The following ZFHX3 variants were observed in gnomAD, a reference collection of about 807,000 sequenced individuals.
ZFHX3 encodes zinc finger homeobox 3, also known as zinc finger homeobox protein 3.
Under a neutral mutation model 279.1 loss-of-function variants are expected in ZFHX3, and 42 were observed. The ratio of observed to expected loss-of-function variants is 0.15; its 90% CI spans 0.12 to 0.19. The LOEUF is 0.19. Among genes scored for constraint, ZFHX3 ranks in the 10% least tolerant of loss-of-function variants. The pLI is 1.00. For missense variants in ZFHX3, 4,981 were observed against 4,754.0 expected, an observed-to-expected ratio of 1.05 and a Z score of -1.40; for synonymous variants, 2,293 against 1,957.8, an observed-to-expected ratio of 1.17 and a Z score of -4.52.
intron 5 of ZFHX3, among the ~76,000 whole-genome samples, chr16:73,183,200 G>A (rs1290857042): frequency 3.9e-5 from 6 of 152,064 alleles, no homozygotes; most frequent in Admixed American, 1.3e-4. Flanking sequence ...GTAAGACTCC[G>A]TCTAAAACAA....
chr16:73,793,910 T>C (rs976183363), intron 1 of ZFHX3, among the ~76,000 whole-genome samples: 5 of 151,972 alleles, frequency 3.3e-5, no homozygotes, highest in Non-Finnish European at 2.9e-5. Context: ...CAAAAATGGA[T>C]AGCCTTTGGG....
chr16:73,629,618 C>G (rs1567537244), intron 2 of ZFHX3, among the ~76,000 whole-genome samples: 1 of 151,140 alleles, frequency 6.6e-6, no homozygotes, highest in Non-Finnish European at 1.5e-5. Flanking sequence ...AAAAGCAAAC[C>G]CAAATGCCAT....
intron 4 of ZFHX3, among the ~76,000 whole-genome samples, chr16:73,270,340 C>T (rs910933687): frequency 6.6e-6 from 1 of 152,188 alleles, no homozygotes; most frequent in Non-Finnish European, 1.5e-5. Context: ...ATCTCTCCCA[C>T]GTGCTTAGAA....
chr16:72,873,007 T>C (rs1205341379), intron 4 of ZFHX3, among the ~76,000 whole-genome samples: 1 of 152,158 alleles, frequency 6.6e-6, no homozygotes, highest in Non-Finnish European at 1.5e-5. Context: ...ATCTTTCCAG[T>C]TTCAGCCTGA....
At chr16:73,787,855 A>AAGAG (rs148741157) in intron 1 of ZFHX3, among the ~76,000 whole-genome samples, 4,474 of 110,730 alleles carry the variant, frequency 0.04, 109 homozygotes, top group East Asian at 0.2. Flanking sequence ...GTGTGTGTGA[A>AAGAG]AGAGAGAGAG....
At chr16:73,742,111 C>A (rs1019448748) in intron 1 of ZFHX3, among the ~76,000 whole-genome samples, 1 of 152,184 alleles carries the variant, frequency 6.6e-6, no homozygotes, top group Non-Finnish European at 1.5e-5. Flanking sequence ...AAAGCATAAA[C>A]CTACAATGAC....
At chr16:72,961,211 A>G (rs1482393142) in intron 1 of ZFHX3, among the ~76,000 whole-genome samples, 3 of 149,664 alleles carry the variant, frequency 2.0e-5, no homozygotes, top group Non-Finnish European at 3.0e-5. Flanking sequence ...CCGAGACGGC[A>G]GCTGGGCTCG....
chr16:73,297,482 C>T (rs2014943892), intron 4 of ZFHX3, among the ~76,000 whole-genome samples: 1 of 152,008 alleles, frequency 6.6e-6, no homozygotes, highest in Non-Finnish European at 1.5e-5. Context: ...TATCCAACCC[C>T]TATTTTTAGT....
chr16:73,508,784 TA>T (rs1406445915), intron 2 of ZFHX3, among the ~76,000 whole-genome samples: 3 of 152,174 alleles, frequency 2.0e-5, no homozygotes, highest in African/African-American at 7.2e-5. Context: ...ACATAGGCCT[TA>T]AAAGGCAAAA....
intron 3 of ZFHX3, 76 bp from the exon 4 acceptor site, chr16:72,890,038 C>T: frequency 3.0e-6 from 4 of 1,336,888 alleles, no homozygotes; most frequent in Non-Finnish European, 4.1e-6. Flanking sequence ...CCACACCATC[C>T]TGGTCACAGC....
At chr16:73,734,185 A>G (rs328351) in intron 1 of ZFHX3, among the ~76,000 whole-genome samples, 128,021 of 152,130 alleles carry the variant, frequency 0.84, 54,664 homozygotes, top group Non-Finnish European at 0.91. Context: ...GGCTTCACCC[A>G]CCCTCCCACT....
Position 73,256,313 on chromosome 16 carries a change from A to G in ZFHX3, c.-1104+734T>C, listed in dbSNP as rs1033419035. Among the ~76,000 whole-genome samples the G allele has an allele frequency of 3.9e-5, 6 of 152,106 alleles. No homozygotes were observed. The South Asian group carries it at 6.2e-4, about 16-fold the overall frequency. ...AGCCATCAGATGCTGACCTTGCTAC[A>G]TTTTCTACAAATAGAAGATGATTCT... On this transcript the variant is annotated intron_variant, in intron 5 of 17. Coordinates refer to the ZFHX3 transcript ENST00000641206.
intron 3 of ZFHX3, among the ~76,000 whole-genome samples, chr16:73,360,481 G>C (rs2016416847): frequency 3.3e-5 from 5 of 152,200 alleles, no homozygotes; most frequent in Admixed American, 3.3e-4. Context: ...TGGGATTACA[G>C]GTGCCCACCG....
intron 1 of ZFHX3, among the ~76,000 whole-genome samples, chr16:72,972,672 T>C (rs1310241866): frequency 6.6e-6 from 1 of 152,152 alleles, no homozygotes; most frequent in Non-Finnish European, 1.5e-5. Flanking sequence ...CTGTCCAAAG[T>C]CATCGGTGTC....
At chr16:73,360,463 C>T (rs541528404) in intron 3 of ZFHX3, among the ~76,000 whole-genome samples, 7 of 152,254 alleles carry the variant, frequency 4.6e-5, no homozygotes, top group South Asian at 2.1e-4. Context: ...CTCAGCCTTC[C>T]GAGTAGCTGG....
At chr16:73,863,479 G>C (rs1961934229) in intron 1 of ZFHX3, among the ~76,000 whole-genome samples, 1 of 152,128 alleles carries the variant, frequency 6.6e-6, no homozygotes, top group Non-Finnish European at 1.5e-5. Flanking sequence ...TGTCCAAAGG[G>C]AGATAGTCTT....
At chr16:72,845,807 G>A (rs1301572105) in intron 4 of ZFHX3, among the ~76,000 whole-genome samples, 2 of 152,104 alleles carry the variant, frequency 1.3e-5, no homozygotes, top group East Asian at 3.9e-4. Flanking sequence ...TCTAACAATA[G>A]CAACACAATC....
At position 73,266,901 on chromosome 16, in the gene ZFHX3, T is replaced by C. The variant is rs116443027; in HGVS notation, c.-1193-9765A>G. Among the ~76,000 whole-genome samples, 283 of 152,356 alleles carry C rather than the reference T, an allele frequency of 1.9e-3. 1 individual carries two copies. Among genetic ancestry groups the C allele is most frequent in the African/African-American group, 5.6e-3 (234 of 41,594 alleles). On this transcript the variant is annotated intron_variant, in intron 4 of 17. Coordinates refer to the ZFHX3 transcript ENST00000641206. ...AGTCCATTAAACTTCTTTTTCTTTA[T>C]AAATTATCCAGTTTTGCGTATGTCT...
chr16:73,028,476 G>C (rs571024709), intron 1 of ZFHX3, among the ~76,000 whole-genome samples: 1 of 152,126 alleles, frequency 6.6e-6, no homozygotes, highest in African/African-American at 2.4e-5. Context: ...GCCACACACC[G>C]GGTTTGGGGT....
Sources: gnomAD v4.1 joint callset for allele counts (sites outside exome capture counted in the v4.1 genomes callset) on GRCh38, gnomAD v4.1.1 for gene constraint, MANE v1.5 for transcripts, NCBI Gene and HGNC (gene_info 2026-07-23, HGNC 2026-07-21) for gene names.